KIAA1549L: variants seen among roughly 807,000 people sequenced by gnomAD.
KIAA1549L encodes the protein UPF0606 protein KIAA1549L.
A neutral mutation model predicts 160.7 loss-of-function variants in KIAA1549L; 88 were observed. The observed-to-expected ratio is 0.55, with a 90% CI of 0.46 to 0.65. The LOEUF (loss-of-function observed/expected upper bound fraction) is 0.65, where lower values mean the gene tolerates loss of function less well. KIAA1549L is among the 30% of genes least tolerant of loss of function. KIAA1549L has a pLI of 0.00. For missense variants in KIAA1549L, 2,258 were observed against 2,437.5 expected, an observed-to-expected ratio of 0.93 and a Z score of 1.55; for synonymous variants, 950 against 976.7, an observed-to-expected ratio of 0.97 and a Z score of 0.51.
At chr11:33,516,141 T>TGAGATGTGA (rs1590303060) in intron 1 of KIAA1549L, among the ~76,000 whole-genome samples, 1 of 49,508 alleles carries the variant, frequency 2.0e-5, no homozygotes. Flanking sequence ...AGGTGATTCT[T>TGAGATGTGA]TTTTTTTTTT....
At chr11:33,578,275 C>T (rs1009333297) in intron 10 of KIAA1549L, among the ~76,000 whole-genome samples, 13 of 152,064 alleles carry the variant, frequency 8.5e-5, no homozygotes, top group South Asian at 6.2e-4. Context: ...GGGATGGCCC[C>T]GGAGGCTCAG....
chr11:33,474,779 G>A (rs992084982), intron 1 of KIAA1549L, among the ~76,000 whole-genome samples: 1 of 152,246 alleles, frequency 6.6e-6, no homozygotes, highest in Non-Finnish European at 1.5e-5. Context: ...CCTGCCAAAC[G>A]AAATGGCTGC....
chr11:33,568,082 A>G lies in KIAA1549L; in HGVS notation c.4085A>G (p.Gln1362Arg). The G allele has an allele frequency of 1.2e-6, 2 of 1,610,002 alleles. No individual in the cohort carries two copies. The highest frequency in any genetic ancestry group is 1.7e-6 in the Non-Finnish European group (2 of 1,178,146). Residue 1362 changes from glutamine to arginine, a missense_variant, in exon 9 of 21, where the codon CAG (glutamine) becomes CGG (arginine). By Grantham distance (43) the Gln-to-Arg change is conservative. Transcript: ENST00000658780. ...TRDYWVITVL[Q>R]GVDNSLVGLH... is the part of the protein sequence containing the mutation. ...CTGCCTTCTGCATCCACAGTGCTGC[A>G]GGGTGTGGACAATTCGCTGGTGGGC... is the stretch of plus-strand genomic sequence containing the variant.
chr11:33,404,253 A>C (rs1250597468), intron 1 of KIAA1549L, among the ~76,000 whole-genome samples: 14 of 152,218 alleles, frequency 9.2e-5, no homozygotes, highest in Admixed American at 8.5e-4. Context: ...GGCCAGGCAC[A>C]GTGGCTCATG....
chr11:33,439,995 G>A (rs1044516415), intron 1 of KIAA1549L, among the ~76,000 whole-genome samples: 8 of 151,664 alleles, frequency 5.3e-5, no homozygotes, highest in African/African-American at 1.9e-4. Flanking sequence ...TTATCATTAC[G>A]AAAATATTTG....
chr11:33,416,351 C>T (rs12800267), intron 1 of KIAA1549L, among the ~76,000 whole-genome samples: 1,558 of 152,096 alleles, frequency 0.01, 20 homozygotes, highest in Middle Eastern at 0.02. Context: ...CATTCCCGAA[C>T]AGCTCTTCTT....
intron 1 of KIAA1549L, among the ~76,000 whole-genome samples, chr11:33,398,557 A>G (rs1470749829): frequency 6.6e-6 from 1 of 152,208 alleles, no homozygotes; most frequent in Non-Finnish European, 1.5e-5. Context: ...GTTGGAAAGT[A>G]AAAACAAGCA....
At position 33,581,476 on chromosome 11, in the gene KIAA1549L, C is replaced by T. The variant is rs558884502; in HGVS notation, c.4403-1862C>T. Among the ~76,000 whole-genome samples the T allele has an allele frequency of 2.3e-4, 35 of 151,836 alleles. No homozygotes were observed. The South Asian group carries it at 5.6e-3, about 24-fold the overall frequency. ...ACACACTTCTATTCATGTGTGTTAA[C>T]TCGGAACCGACTTTAACTGTTTATT... On this transcript the variant is annotated intron_variant, in intron 10 of 20. Coordinates refer to ENST00000658780, the MANE Select transcript of KIAA1549L (RefSeq NM_012194.3).
chr11:33,450,311 A>C (rs1851694002), intron 1 of KIAA1549L, among the ~76,000 whole-genome samples: 1 of 152,144 alleles, frequency 6.6e-6, no homozygotes, highest in Non-Finnish European at 1.5e-5. Context: ...CAATCCCAGC[A>C]CTTTGGGAGG....
At chr11:33,448,104 T>G (rs1469679222) in intron 1 of KIAA1549L, among the ~76,000 whole-genome samples, 1 of 152,242 alleles carries the variant, frequency 6.6e-6, no homozygotes, top group Non-Finnish European at 1.5e-5. Flanking sequence ...AGTTTTACTT[T>G]AAATTCCGGG....
In KIAA1549L at chr11:33,583,436, C is replaced by T; in HGVS notation, c.4501C>T (p.Leu1501Phe). The stretch of plus-strand genomic sequence containing the variant: ...CATCATCATCATCATCACTGCCGTG[C>T]TCTGCAGGAAGAACAAGAACGACTT... ...TVIIIIITAV[L>F]CRKNKNDFKP... is the part of the protein sequence containing the mutation. Residue 1501 changes from leucine to phenylalanine, a missense_variant, in exon 11 of 21, where the codon CTC (leucine) becomes TTC (phenylalanine). Physicochemically the swap from Leu to Phe is conservative, Grantham distance 22. Around this residue, in one of 6 missense-constraint regions of KIAA1549L, gnomAD observed 1,359 missense variants for 1,546.6 expected, o/e 0.88. Transcript: ENST00000658780. The T allele has an allele frequency of 1.3e-6, 2 of 1,593,400 alleles. No individual in the cohort carries two copies. Among genetic ancestry groups the T allele is most frequent in the South Asian group, 2.3e-5 (2 of 87,362 alleles).
At position 33,551,229 on chromosome 11, in the gene KIAA1549L, C is replaced by A; in HGVS notation, c.3691C>A (p.Gln1231Lys). 1 of 1,613,502 alleles carries A rather than the reference C, an allele frequency of 6.2e-7. No homozygotes were observed. The highest frequency in any genetic ancestry group is 8.5e-7 in the Non-Finnish European group (1 of 1,179,856). The change falls in exon 5 of 21, where the codon CAG becomes AAG. Residue 1231 changes from glutamine (Q) to lysine (K), a missense_variant. Around this residue, in one of 6 missense-constraint regions of KIAA1549L, gnomAD observed 1,359 missense variants for 1,546.6 expected, o/e 0.88. Coordinates refer to ENST00000658780, the MANE Select transcript of KIAA1549L (RefSeq NM_012194.3). Reference sequence around the variant, plus strand: ...AGTACTTGCCTCCCCATGGAATCCCCAGCCTGCAGGCTACTTCCAGCTAAA... The same window carrying A: ...AGTACTTGCCTCCCCATGGAATCCCAAGCCTGCAGGCTACTTCCAGCTAAA... ...VAVLASPWNP[Q>K]PAGYFQLKTV...
chr11:33,522,669 G>A (rs1182721401), intron 1 of KIAA1549L, among the ~76,000 whole-genome samples: 1 of 152,170 alleles, frequency 6.6e-6, no homozygotes, highest in Non-Finnish European at 1.5e-5. Context: ...GCTAAGGCAG[G>A]AGGATCACTT....
intron 1 of KIAA1549L, among the ~76,000 whole-genome samples, chr11:33,502,477 T>C (rs991025777): frequency 6.6e-6 from 1 of 152,204 alleles, no homozygotes; most frequent in Non-Finnish European, 1.5e-5. Flanking sequence ...CTTTGCGGTC[T>C]TCTTCAGTTT....
chr11:33,546,635 C>A (rs1315591361), intron 3 of KIAA1549L, among the ~76,000 whole-genome samples: 1 of 152,220 alleles, frequency 6.6e-6, no homozygotes, highest in East Asian at 1.9e-4. Context: ...AGTCTGTAGT[C>A]AAGAACCTTC....
chr11:33,454,899 A>C (rs1325395080), intron 1 of KIAA1549L, among the ~76,000 whole-genome samples: 2 of 152,052 alleles, frequency 1.3e-5, no homozygotes, highest in Non-Finnish European at 2.9e-5. Flanking sequence ...ATCATCCTGG[A>C]TAACACGGTG....
rs937518469 is a variant in KIAA1549L, at chr11:33,475,171, T to C, written c.239-66631T>C. Among the ~76,000 whole-genome samples the C allele has an allele frequency of 2.0e-5, 3 of 152,156 alleles. No homozygotes were observed. The East Asian group carries it at 5.8e-4, about 29-fold the overall frequency. The stretch of plus-strand genomic sequence containing the variant: ...TGCCCCTAACACCCAATTCCTCACC[T>C]CGTCTTTTCTTTCTTATGGAGCCCT... On this transcript the variant is annotated intron_variant, in intron 1 of 20. Transcript: ENST00000658780.
At chr11:33,654,899 G>A (rs916338162) in intron 17 of KIAA1549L, among the ~76,000 whole-genome samples, 2 of 152,158 alleles carry the variant, frequency 1.3e-5, no homozygotes, top group Non-Finnish European at 2.9e-5. Context: ...CATCATGCTG[G>A]AGGGAGAAGA....
chr11:33,545,518 C>A, intron 3 of KIAA1549L, 140 bp downstream of exon 3: 1 of 1,072,594 alleles, frequency 9.3e-7, no homozygotes, highest in Non-Finnish European at 1.3e-6. Context: ...TGTCTGGAGA[C>A]ATTTTTGGTT....
Sources: allele counts gnomAD v4.1 joint callset (sites outside exome capture counted in the v4.1 genomes callset), GRCh38; gene constraint gnomAD v4.1.1; regional missense constraint gnomAD v4.1.1; transcripts MANE v1.5; gene names NCBI Gene and HGNC (gene_info 2026-07-23, HGNC 2026-07-21).